Variants in NCLN observed in about 807,000 individuals in gnomAD.
NCLN encodes BOS complex subunit NCLN.
Under a neutral mutation model 69.5 loss-of-function variants are expected in NCLN, and 34 were observed. The observed-to-expected ratio is 0.49, with a 90% CI of 0.37 to 0.65. NCLN has a LOEUF of 0.65. Ranked by LOEUF, NCLN falls within the 30% of genes least tolerant of loss-of-function variation. The pLI, the probability that NCLN is intolerant of heterozygous loss-of-function variation, is 0.00. For missense variants in NCLN, 710 were observed against 804.8 expected (o/e 0.88, Z 1.42); for synonymous variants, 393 against 358.3 (o/e 1.10, Z -1.09).
intron 1 of NCLN, among the ~76,000 whole-genome samples, chr19:3,191,656 G>A (rs1255865738): frequency 6.6e-6 from 1 of 152,222 alleles, no homozygotes; most frequent in African/African-American, 2.4e-5. Context: ...AATCCAGCCT[G>A]CCCTTGGCCT....
intron 3 of NCLN, among the ~76,000 whole-genome samples, chr19:3,194,312 G>A (rs553903605): frequency 6.6e-6 from 1 of 152,296 alleles, no homozygotes; most frequent in Non-Finnish European, 1.5e-5. Flanking sequence ...GAACCCGGAA[G>A]GCGGAGGTTG....
Position 3,192,639 on chromosome 19 carries a change from C to G in NCLN, c.354C>G (p.Ala118=). The G allele has an allele frequency of 6.4e-7, 1 of 1,569,138 alleles. No homozygotes were observed. The part of the protein sequence containing the change: ...VVIILPRAMA[A]VPQDVVRQFM... ...TCATCCTGCCCAGGGCCATGGCCGC[C>G]GTGCCCCAGGACGTCGTCCGGGTGA... Residue 118 remains alanine (A), a synonymous_variant, in exon 2 of 15, where the codon GCC becomes GCG. Transcript: ENST00000246117.
chr19:3,207,004 A>G (rs1423016397), intron 12 of NCLN, among the ~76,000 whole-genome samples, 194 bp from the exon 13 acceptor site: 1 of 151,824 alleles, frequency 6.6e-6, no homozygotes, highest in Non-Finnish European at 1.5e-5. Flanking sequence ...TTTAATTTTT[A>G]GTAGAGATGG....
intron 4 of NCLN, among the ~76,000 whole-genome samples, chr19:3,196,490 C>A (rs1326924399): frequency 6.6e-6 from 1 of 152,100 alleles, no homozygotes; most frequent in African/African-American, 2.4e-5. Context: ...GTGGAGTGCC[C>A]AGGCCCCTGC....
intron 5 of NCLN, among the ~76,000 whole-genome samples, chr19:3,199,179 G>A (rs1279656787): frequency 2.0e-5 from 3 of 152,240 alleles, no homozygotes; most frequent in Non-Finnish European, 2.9e-5. Flanking sequence ...CCGGGCCAGC[G>A]CTGGGTGCCG....
At chr19:3,203,870 G>A in intron 7 of NCLN, 26 bp downstream of exon 7, 1 of 1,606,442 alleles carries the variant, frequency 6.2e-7, no homozygotes, top group South Asian at 1.1e-5. Context: ...TGGGGGTGGG[G>A]GTGCCGCGGT....
Position 3,207,466 on chromosome 19 carries a change from C to T in NCLN, c.1629C>T (p.Val543=), listed in dbSNP as rs770901439. 1 of 1,612,862 alleles carries T rather than the reference C, an allele frequency of 6.2e-7. No homozygotes were observed. Among genetic ancestry groups the T allele is most frequent in the Non-Finnish European group, 8.5e-7 (1 of 1,179,974 alleles). The stretch of plus-strand genomic sequence containing the variant: ...ACCTCGGCATGGCCTACGTGGCTGT[C>T]CAGGTGAGCAGTGCCCAGGCTCAGG... ...AAYLGMAYVA[V]QHFSLLYKTV... Residue 543 remains valine (V), a synonymous_variant, in exon 14 of 15, where the codon GTC becomes GTT. Coordinates refer to ENST00000246117, the MANE Select transcript of NCLN (RefSeq NM_020170.4).
intron 7 of NCLN, 50 bp downstream of exon 7, chr19:3,203,894 G>T (rs1265789038): frequency 1.3e-6 from 2 of 1,591,900 alleles, no homozygotes; most frequent in Non-Finnish European, 1.7e-6. Flanking sequence ...GGTGCCGTGG[G>T]GAGGCACGGA....
intron 4 of NCLN, among the ~76,000 whole-genome samples, chr19:3,196,999 CA>C (rs1230179143): frequency 6.6e-6 from 1 of 152,214 alleles, no homozygotes; most frequent in African/African-American, 2.4e-5. Flanking sequence ...AGTGGAAAAG[CA>C]GCGGCTTAGG....
Position 3,193,181 on chromosome 19 carries a change from A to AGTGGG in NCLN, c.376-103_376-102insGTGGG, listed in dbSNP as rs1915873729. 34 of 1,127,806 alleles carry AGTGGG rather than the reference A, an allele frequency of 3.0e-5. 1 individual carries two copies. Among genetic ancestry groups the AGTGGG allele is most frequent in the Middle Eastern group, 2.9e-4 (1 of 3,430 alleles). The allele number at this position is 1,127,806 out of a possible 1,614,324, so 69.9% of individuals were successfully genotyped here. ...CCTGCTACCCCCTCCAGGGACAGTC[A>AGTGGG]CTGGGCCCCCTGCTACCCCCACCAG... On this transcript the variant is annotated intron_variant, in intron 2 of 14. Transcript: ENST00000246117.
intron 5 of NCLN, among the ~76,000 whole-genome samples, chr19:3,199,102 C>T (rs190977423): frequency 2.0e-5 from 3 of 152,154 alleles, no homozygotes; most frequent in Non-Finnish European, 1.5e-5. Flanking sequence ...GCCCCGGGGT[C>T]GCAGGTTCCA....
At chr19:3,191,988 A>G (rs1366236879) in intron 1 of NCLN, among the ~76,000 whole-genome samples, 1 of 152,184 alleles carries the variant, frequency 6.6e-6, no homozygotes, top group African/African-American at 2.4e-5. Context: ...CGGGAGTTTG[A>G]GACCAGCCTG....
chr19:3,200,500 T>C (rs1031277032), intron 5 of NCLN, among the ~76,000 whole-genome samples: 18 of 151,304 alleles, frequency 1.2e-4, no homozygotes, highest in Admixed American at 5.9e-4. Context: ...TTAGTAGAGA[T>C]AGGGTTTCAC....
At chr19:3,191,783 C>T (rs1915833583) in intron 1 of NCLN, among the ~76,000 whole-genome samples, 1 of 152,242 alleles carries the variant, frequency 6.6e-6, no homozygotes, top group South Asian at 2.1e-4. Context: ...CGGAAATACT[C>T]ACTCTCTGGC....
rs765252185 is a variant in NCLN at position 3,196,277 on chromosome 19, G to A, written c.615G>A (p.Glu205=). The change falls in exon 4 of 15, where the codon GAG becomes GAA. Residue 205 remains glutamate (E), a splice_region_variant and synonymous_variant. Coordinates refer to ENST00000246117, the MANE Select transcript of NCLN (RefSeq NM_020170.4). ...AVSDWLIASV[E]GRLTGLGGED... ...GTGACTGGCTGATTGCCAGCGTGGA[G>A]GTGAGTGCCGCCTGCCCCGGAGCCA... The A allele has an allele frequency of 5.2e-6, 8 of 1,542,888 alleles. No homozygotes were observed. The South Asian group carries it at 7.2e-5, about 14-fold the overall frequency.
chr19:3,196,183 T>C lies in NCLN; in HGVS notation c.521T>C (p.Val174Ala), dbSNP rs1915949084. ...TGATGCGCCCTCTCCCTCTCCCTAGTACTGCTGCGCACGGCCACTGCCAAC... is the reference window on the plus strand; with the variant it reads ...TGATGCGCCCTCTCCCTCTCCCTAGCACTGCTGCGCACGGCCACTGCCAAC... ...ASQGSASAAE[V>A]LLRTATANGF... The change falls in exon 4 of 15, where the codon GTA becomes GCA. Residue 174 changes from valine (V) to alanine (A), a missense_variant and splice_region_variant. Physicochemically the swap from Val to Ala is moderately conservative, Grantham distance 64. Coordinates refer to ENST00000246117, the MANE Select transcript of NCLN (RefSeq NM_020170.4). 6.5e-7 allele frequency: 1 copy of C among 1,550,246 alleles called. No homozygotes were observed. Among genetic ancestry groups the C allele is most frequent in the Non-Finnish European group, 8.7e-7 (1 of 1,146,006 alleles).
intron 1 of NCLN, among the ~76,000 whole-genome samples, chr19:3,188,460 C>T (rs936431726): frequency 3.9e-5 from 6 of 152,196 alleles, no homozygotes; most frequent in Non-Finnish European, 7.4e-5. Context: ...CTTGTGTGGC[C>T]TCTTGTTCTT....
rs1916276788 is a variant in NCLN, at chr19:3,206,501, C to G, written c.1499+76C>G. ...CCTCCCCCTACTGCATCTCCCACCCCCTCACCCCTGGGGGATGCCAGGTGG... is the reference window on the plus strand; with the variant it reads ...CCTCCCCCTACTGCATCTCCCACCCGCTCACCCCTGGGGGATGCCAGGTGG... On this transcript the variant is annotated intron_variant, in intron 12 of 14. Transcript: ENST00000246117. The G allele has an allele frequency of 5.4e-6, 8 of 1,470,756 alleles. No individual in the cohort carries two copies. In the South Asian group the frequency reaches 8.1e-5, roughly 15 times the overall value. The allele number at this position is 1,470,756 out of a possible 1,614,324, so 91.1% of individuals were successfully genotyped here. A position where few individuals can be genotyped will look rare whatever the true frequency, so the allele number is the denominator to read the frequency against.
intron 1 of NCLN, among the ~76,000 whole-genome samples, chr19:3,191,586 C>A (rs1372919595): frequency 6.6e-6 from 1 of 152,234 alleles, no homozygotes; most frequent in Non-Finnish European, 1.5e-5. Flanking sequence ...TAACCTGGGG[C>A]CCATCAACAG....
Sources: allele counts gnomAD v4.1 joint callset (sites outside exome capture counted in the v4.1 genomes callset), GRCh38; gene constraint gnomAD v4.1.1; transcripts MANE v1.5; gene names NCBI Gene and HGNC (gene_info 2026-07-23, HGNC 2026-07-21).